Variants in ACSS3 observed in about 807,000 individuals in gnomAD.
The protein encoded by ACSS3 is acyl-CoA synthetase short-chain family member 3, mitochondrial.
A neutral mutation model predicts 84.2 loss-of-function variants in ACSS3; 64 were observed. The observed-to-expected ratio is 0.76, with a 90% CI of 0.62 to 0.94. The LOEUF (loss-of-function observed/expected upper bound fraction) is 0.94. Among genes scored for constraint, ACSS3 ranks in the 40% least tolerant of loss-of-function variants. The pLI, the probability that ACSS3 is intolerant of heterozygous loss-of-function variation, is 0.00. For missense variants in ACSS3, 815 were observed against 867.6 expected, an observed-to-expected ratio of 0.94 and a Z score of 0.76; for synonymous variants, 317 against 310.1, an observed-to-expected ratio of 1.02 and a Z score of -0.23.
intron 7 of ACSS3, among the ~76,000 whole-genome samples, chr12:81,168,160 G>T (rs1036182810): frequency 6.6e-6 from 1 of 152,114 alleles, no homozygotes; most frequent in Non-Finnish European, 1.5e-5. Flanking sequence ...CTCTTTAATA[G>T]AAGTGCATTA....
intron 1 of ACSS3, among the ~76,000 whole-genome samples, chr12:81,098,194 C>A (rs1472165319): frequency 6.8e-6 from 1 of 147,618 alleles, no homozygotes; most frequent in African/African-American, 2.5e-5. Flanking sequence ...CTGTGCCCTG[C>A]GATAGGATGG....
intron 1 of ACSS3, among the ~76,000 whole-genome samples, chr12:81,087,535 TAAA>T (rs75213270): frequency 6.7e-6 from 1 of 149,562 alleles, no homozygotes; most frequent in African/African-American, 2.4e-5. Flanking sequence ...TTAGTAAGAC[TAAA>T]AAAAAAATTA....
At chr12:81,195,090 G>A (rs552900095) in intron 8 of ACSS3, among the ~76,000 whole-genome samples, 1 of 152,108 alleles carries the variant, frequency 6.6e-6, no homozygotes, top group East Asian at 1.9e-4. Context: ...ACAGGCATTG[G>A]AAATGTGATA....
Position 81,204,583 on chromosome 12 carries a change from A to G in ACSS3, c.1354+5139A>G, listed in dbSNP as rs185029852. On this transcript the variant is annotated intron_variant, in intron 9 of 15. Coordinates refer to ENST00000548058, the MANE Select transcript of ACSS3 (RefSeq NM_024560.4). ...TTTGTTCTTTCTCTTGCTATCACTC[A>G]GTTAATTCATGACAGCTACAAAGAT... 5.0e-4 allele frequency among the ~76,000 whole-genome samples: 76 copies of G among 152,270 alleles called. 1 individual carries two copies. The highest frequency in any genetic ancestry group is 1.4e-3 in the Admixed American group (22 of 15,270).
rs1346649252 is a variant in ACSS3, at chr12:81,261,013, A to G, written c.*6091A>G. On this transcript the variant is annotated 3_prime_UTR_variant, in exon 16 of 16. Transcript: ENST00000548058. ...ATGGATTTTAAAGTAGCTTTCATTA[A>G]TTGGTATTTCCTTAAAATCAAATGC... The G allele has an allele frequency of 6.6e-6, 1 of 150,682 alleles. No individual in the cohort carries two copies. Among genetic ancestry groups the G allele is most frequent in the Non-Finnish European group, 1.5e-5 (1 of 67,480 alleles). The allele number at this position is 150,682 out of a possible 1,614,324, so 9.3% of individuals were successfully genotyped here.
chr12:81,106,288 G>T (rs1296140407), intron 1 of ACSS3, among the ~76,000 whole-genome samples: 1 of 152,148 alleles, frequency 6.6e-6, no homozygotes, highest in Non-Finnish European at 1.5e-5. Flanking sequence ...ATTGTGAACT[G>T]CACATGTGAG....
At chr12:81,182,092 GA>G (rs1445693995) in intron 8 of ACSS3, among the ~76,000 whole-genome samples, 1 of 152,158 alleles carries the variant, frequency 6.6e-6, no homozygotes, top group African/African-American at 2.4e-5. Flanking sequence ...TTAATCTAAA[GA>G]GGCACATTAT....
intron 5 of ACSS3, among the ~76,000 whole-genome samples, chr12:81,148,623 G>T (rs1886455704): frequency 6.6e-6 from 1 of 152,044 alleles, no homozygotes; most frequent in Non-Finnish European, 1.5e-5. Flanking sequence ...GTCCCATCTG[G>T]ATATTTTTCA....
intron 2 of ACSS3, among the ~76,000 whole-genome samples, chr12:81,128,016 C>T (rs1327131292): frequency 6.6e-6 from 1 of 152,028 alleles, no homozygotes; most frequent in Non-Finnish European, 1.5e-5. Flanking sequence ...TTATTCATAG[C>T]AATATGTTTT....
At chr12:81,246,964 T>C (rs546323870) in intron 13 of ACSS3, among the ~76,000 whole-genome samples, 186 of 152,312 alleles carry the variant, frequency 1.2e-3, no homozygotes, top group African/African-American at 4.3e-3. Flanking sequence ...TAAAAAAGTT[T>C]GTACCTATCT....
intron 3 of ACSS3, among the ~76,000 whole-genome samples, chr12:81,135,347 A>C (rs1039131206): frequency 7.0e-6 from 1 of 142,428 alleles, no homozygotes; most frequent in East Asian, 2.0e-4. Flanking sequence ...TATATTATAT[A>C]TCACATATAT....
chr12:81,170,208 T>A (rs2135807438), intron 7 of ACSS3, among the ~76,000 whole-genome samples: 1 of 152,276 alleles, frequency 6.6e-6, no homozygotes, highest in East Asian at 1.9e-4. Context: ...TTCACTGCTT[T>A]CCTGTGTTGA....
At position 81,186,577 on chromosome 12, in the gene ACSS3, G is replaced by A. The variant is rs550086191; in HGVS notation, c.1250+11638G>A. 5.1e-4 allele frequency among the ~76,000 whole-genome samples: 77 copies of A among 151,778 alleles called. No individual in the cohort carries two copies. In the South Asian group the frequency reaches 0.013, roughly 25 times the overall value. On this transcript the variant is annotated intron_variant, in intron 8 of 15. Transcript: ENST00000548058. ...CTGGAAACACATTTCTCCAAAGAAG[G>A]CATAAAAATAGCCAGCATGCATATG...
At chr12:81,106,190 G>T (rs879502057) in intron 1 of ACSS3, among the ~76,000 whole-genome samples, 1 of 152,156 alleles carries the variant, frequency 6.6e-6, no homozygotes, top group Non-Finnish European at 1.5e-5. Context: ...TGTATTTATA[G>T]CTGCTCCCCA....
intron 7 of ACSS3, among the ~76,000 whole-genome samples, chr12:81,171,811 G>A (rs773732143): frequency 4.6e-5 from 7 of 152,056 alleles, no homozygotes; most frequent in Admixed American, 1.3e-4. Context: ...GTACATCATA[G>A]AGTATACTTA....
intron 7 of ACSS3, among the ~76,000 whole-genome samples, chr12:81,172,267 A>AAAAAAAAAAAAAAAAAAC (rs2030120520): frequency 6.6e-6 from 1 of 150,860 alleles, no homozygotes; most frequent in African/African-American, 2.4e-5. Flanking sequence ...CTCAAAAAAA[A>AAAAAAAAAAAAAAAAAAC]AAAAAAAAAA....
At chr12:81,106,243 G>A (rs1271456449) in intron 1 of ACSS3, among the ~76,000 whole-genome samples, 1 of 152,080 alleles carries the variant, frequency 6.6e-6, no homozygotes, top group Non-Finnish European at 1.5e-5. Context: ...GTCAGATCAG[G>A]GGTGGCATTA....
At chr12:81,157,744 T>C (rs1187528320) in intron 7 of ACSS3, among the ~76,000 whole-genome samples, 1 of 151,958 alleles carries the variant, frequency 6.6e-6, no homozygotes, top group Non-Finnish European at 1.5e-5. Context: ...GAGGTGGAAG[T>C]TGCAGTGAGC....
chr12:81,136,777 T>C (rs938459951), intron 3 of ACSS3, among the ~76,000 whole-genome samples: 1 of 152,176 alleles, frequency 6.6e-6, no homozygotes, highest in Non-Finnish European at 1.5e-5. Flanking sequence ...TGTCATGTTT[T>C]AAACAATGTT....
Sources: gnomAD v4.1 joint callset for allele counts (sites outside exome capture counted in the v4.1 genomes callset) on GRCh38, gnomAD v4.1.1 for gene constraint, MANE v1.5 for transcripts, NCBI Gene and HGNC (gene_info 2026-07-23, HGNC 2026-07-21) for gene names.